Variants in ATP2B2 observed in about 807,000 individuals in gnomAD.
ATP2B2 encodes ATPase plasma membrane Ca2+ transporting 2.
In ATP2B2, 15 loss-of-function variants were observed where a neutral mutation model predicts 120.0. The ratio of observed to expected loss-of-function variants is 0.12; its 90% confidence interval spans 0.08 to 0.19. The LOEUF is 0.19. Ranked by LOEUF, ATP2B2 falls within the 10% of genes least tolerant of loss-of-function variation. ATP2B2 has a pLI of 1.00. For synonymous variants in ATP2B2, 694 were observed against 700.3 expected (o/e 0.99, Z 0.14); for missense variants, 1,045 against 1,719.8 (o/e 0.61, Z 6.94).
At chr3:10,592,939 C>G (rs958196980) in intron 2 of ATP2B2, among the ~76,000 whole-genome samples, 1 of 152,100 alleles carries the variant, frequency 6.6e-6, no homozygotes, top group South Asian at 2.1e-4. Context: ...TGCACCACCA[C>G]CACGCCTGGC....
At chr3:10,488,493 TCC>T (rs2065808626) in intron 1 of ATP2B2, among the ~76,000 whole-genome samples, 1 of 105,164 alleles carries the variant, frequency 9.5e-6, no homozygotes, top group Non-Finnish European at 2.0e-5. Flanking sequence ...CTTCCTTCCT[TCC>T]TTCCTTCCTT....
At chr3:10,503,558 CCA>C (rs1347193527) in intron 1 of ATP2B2, among the ~76,000 whole-genome samples, 4 of 152,242 alleles carry the variant, frequency 2.6e-5, no homozygotes, top group Non-Finnish European at 5.9e-5. Context: ...TCCCTAGCAC[CCA>C]CAGAGCCACC....
intron 16 of ATP2B2, among the ~76,000 whole-genome samples, chr3:10,348,416 A>G (rs748814398): frequency 6.6e-6 from 1 of 151,632 alleles, no homozygotes; most frequent in Non-Finnish European, 1.5e-5. Flanking sequence ...TACCCTCTAA[A>G]CCCTCCCATG....
rs80064361 is a variant in ATP2B2 at position 10,553,406 on chromosome 3, G to T, written c.-414-19273C>A. 1.1e-3 allele frequency among the ~76,000 whole-genome samples: 163 copies of T among 152,300 alleles called. 2 individuals carry two copies. The highest frequency in any genetic ancestry group is 4.4e-4 in the Non-Finnish European group (30 of 68,022). Reference sequence around the variant, plus strand: ...AGGATTAATTCAGACTGGGAAAGAGGGTGGAGGGGAAGAACAATGGGATTG... The same window carrying T: ...AGGATTAATTCAGACTGGGAAAGAGTGTGGAGGGGAAGAACAATGGGATTG... On this transcript the variant is annotated intron_variant, in intron 2 of 21. Coordinates refer to the ATP2B2 transcript ENST00000646379.
At chr3:10,391,092 A>G (rs2061835146) in intron 5 of ATP2B2, among the ~76,000 whole-genome samples, 1 of 152,154 alleles carries the variant, frequency 6.6e-6, no homozygotes, top group Admixed American at 6.5e-5. Flanking sequence ...AGGGCACAGA[A>G]AGCAGTAACA....
Position 10,410,864 on chromosome 3 carries a change from G to A in ATP2B2, c.200-49C>T, listed in dbSNP as rs754926361. 3.1e-6 allele frequency: 5 copies of A among 1,591,866 alleles called. No homozygotes were observed. In the South Asian group the frequency reaches 5.5e-5, roughly 18 times the overall value. ...TGGCTGGGGGCCTGGGAGAGATGCA[G>A]GCATGTTCTGGGAATCTAGGGGCAG... On this transcript the variant is annotated intron_variant, in intron 2 of 22. Transcript: ENST00000360273.
intron 1 of ATP2B2, among the ~76,000 whole-genome samples, chr3:10,652,232 C>T (rs75827601): frequency 0.023 from 3,547 of 152,224 alleles, 70 homozygotes; most frequent in South Asian, 0.086. Flanking sequence ...GAGGGAGTCC[C>T]TGAGCCCCAG....
chr3:10,619,690 T>C (rs956875421), intron 2 of ATP2B2, among the ~76,000 whole-genome samples: 1 of 152,216 alleles, frequency 6.6e-6, no homozygotes, highest in Non-Finnish European at 1.5e-5. Context: ...ACTCCTCCTC[T>C]ACTAATAGAA....
intron 7 of ATP2B2, 105 bp from the exon 8 acceptor site, chr3:10,385,432 TAA>T (rs113091828): frequency 2.0e-5 from 16 of 795,068 alleles, no homozygotes; most frequent in Middle Eastern, 2.4e-4. Context: ...ACTCTATTCT[TAA>T]AAAAAAAAAT....
intron 1 of ATP2B2, among the ~76,000 whole-genome samples, chr3:10,631,777 A>G (rs892493944): frequency 6.6e-6 from 1 of 152,250 alleles, no homozygotes; most frequent in South Asian, 2.1e-4. Context: ...AAATGCTTCC[A>G]TATCAAATAC....
chr3:10,560,712 C>T (rs2067883714), intron 2 of ATP2B2, among the ~76,000 whole-genome samples: 1 of 152,164 alleles, frequency 6.6e-6, no homozygotes, highest in Admixed American at 6.5e-5. Context: ...CCTGGGTCTC[C>T]AGGACTGCCC....
chr3:10,574,054 G>A lies in ATP2B2; in HGVS notation c.-414-39921C>T, dbSNP rs116905915. ...AAATTTGTTTCCAGAGATTCTTCTT[G>A]TTCTCCCAGGGGTCCTTTTATTGCT... On this transcript the variant is annotated intron_variant, in intron 2 of 21. Transcript: ENST00000646379. Among the ~76,000 whole-genome samples the A allele has an allele frequency of 8.7e-4, 132 of 152,194 alleles. 1 individual carries two copies. The East Asian group carries it at 0.02, about 24-fold the overall frequency.
chr3:10,362,293 G>A (rs188893405), intron 12 of ATP2B2, among the ~76,000 whole-genome samples: 47 of 152,354 alleles, frequency 3.1e-4, no homozygotes, highest in Admixed American at 2.4e-3. Flanking sequence ...TGGACTGGCT[G>A]TGCAGGGACA....
At chr3:10,576,100 A>G (rs2068239938) in intron 2 of ATP2B2, among the ~76,000 whole-genome samples, 1 of 152,200 alleles carries the variant, frequency 6.6e-6, no homozygotes, top group East Asian at 1.9e-4. Context: ...CCCTACAGCT[A>G]GTTGCTGGCA....
At chr3:10,672,557 A>G (rs2071127683) in intron 1 of ATP2B2, among the ~76,000 whole-genome samples, 1 of 152,186 alleles carries the variant, frequency 6.6e-6, no homozygotes, top group Non-Finnish European at 1.5e-5. Context: ...TGGACTAATT[A>G]TTACGCATGC....
At chr3:10,494,270 T>C (rs11719081) in intron 1 of ATP2B2, among the ~76,000 whole-genome samples, 67,711 of 151,996 alleles carry the variant, frequency 0.45, 15,427 homozygotes, top group African/African-American at 0.5. Context: ...GATTTTTTCA[T>C]AGAGATTCCC....
intron 1 of ATP2B2, among the ~76,000 whole-genome samples, chr3:10,707,095 A>G (rs1205321349): frequency 2.0e-5 from 3 of 152,214 alleles, no homozygotes; most frequent in Non-Finnish European, 4.4e-5. Flanking sequence ...GGTGAGTCCC[A>G]GTGTCCCGAA....
intron 14 of ATP2B2, among the ~76,000 whole-genome samples, chr3:10,352,123 G>A (rs992524852): frequency 3.9e-5 from 6 of 152,228 alleles, no homozygotes; most frequent in Non-Finnish European, 7.3e-5. Context: ...AATCGGCCTT[G>A]ACTATCTCGC....
chr3:10,382,108 G>A (rs2061546888), intron 8 of ATP2B2, among the ~76,000 whole-genome samples: 1 of 150,264 alleles, frequency 6.7e-6, no homozygotes, highest in African/African-American at 2.5e-5. Flanking sequence ...TCACTGCAAC[G>A]TTGAACTCCT....
Sources: gnomAD v4.1 joint callset for allele counts (sites outside exome capture counted in the v4.1 genomes callset) on GRCh38, gnomAD v4.1.1 for gene constraint, MANE v1.5 for transcripts, NCBI Gene and HGNC (gene_info 2026-07-23, HGNC 2026-07-21) for gene names.